DOCK2: variants seen among roughly 807,000 people sequenced by gnomAD.
The protein encoded by DOCK2 is dedicator of cytokinesis 2, also known as dedicator of cytokinesis protein 2.
DOCK2 carries 87 observed loss-of-function variants against 248.9 expected under a neutral mutation model. The ratio of observed to expected loss-of-function variants is 0.35; its 90% CI spans 0.29 to 0.42. The LOEUF is 0.42. Among genes scored for constraint, DOCK2 ranks in the 10% least tolerant of loss-of-function variants. DOCK2 has a pLI of 1.00. For synonymous variants in DOCK2, 805 were observed against 821.6 expected (o/e 0.98, Z 0.35); for missense variants, 1,747 against 2,300.2 (o/e 0.76, Z 4.92).
At position 169,717,435 on chromosome 5, in the gene DOCK2, G is replaced by C. The variant is rs1281502649; in HGVS notation, c.2083G>C (p.Val695Leu). Residue 695 changes from valine to leucine, a missense_variant, in exon 21 of 52, where the codon GTT becomes CTT. Around this residue, in one of 4 missense-constraint regions of DOCK2, gnomAD observed 858 missense variants for 1,183.5 expected, o/e 0.72. Coordinates refer to ENST00000520908, the MANE Select transcript of DOCK2 (RefSeq NM_004946.3). ...ADRKFQHFNTVLEAYIQQHFS... is the reference protein window; with the variant it reads ...ADRKFQHFNTLLEAYIQQHFS... ...CCGGAAATTTCAGCATTTCAACACC[G>C]TTCTGGAGGCTTACATCCAACAGCA... is the stretch of plus-strand genomic sequence containing the variant. The C allele has an allele frequency of 6.2e-7, 1 of 1,613,844 alleles. No homozygotes were observed. Among genetic ancestry groups the C allele is most frequent in the Non-Finnish European group, 8.5e-7 (1 of 1,179,808 alleles).
chr5:169,844,464 G>A (rs1455726767), intron 27 of DOCK2, among the ~76,000 whole-genome samples: 2 of 152,136 alleles, frequency 1.3e-5, no homozygotes, highest in African/African-American at 4.8e-5. Context: ...TCTAAGCTGG[G>A]CACCTTGGCC....
At chr5:169,676,744 C>T (rs535430019) in intron 6 of DOCK2, among the ~76,000 whole-genome samples, 14 of 152,264 alleles carry the variant, frequency 9.2e-5, no homozygotes, top group Admixed American at 2.0e-4. Flanking sequence ...TGGAACTGAA[C>T]CTTGGAGGAG....
intron 30 of DOCK2, among the ~76,000 whole-genome samples, chr5:170,005,209 C>G (rs1754981764): frequency 6.6e-6 from 1 of 151,902 alleles, no homozygotes; most frequent in South Asian, 2.1e-4. Flanking sequence ...TAGGCAAATC[C>G]ACAGAGACAG....
chr5:169,996,151 A>T lies in DOCK2; in HGVS notation c.3059A>T (p.Asn1020Ile), dbSNP rs1194609493. The T allele has an allele frequency of 4.3e-6, 7 of 1,613,926 alleles. No individual in the cohort carries two copies. Among genetic ancestry groups the T allele is most frequent in the Non-Finnish European group, 5.9e-6 (7 of 1,179,862 alleles). The part of the protein sequence containing the change: ...TMNQKFLEHT[N>I]FEFQLWNNYF... ...AACCAGAAGTTCCTAGAACACACGAACTTTGAGTTCCAGGTGAGTATAAGC... is the reference window on the plus strand; with the variant it reads ...AACCAGAAGTTCCTAGAACACACGATCTTTGAGTTCCAGGTGAGTATAAGC... Residue 1020 changes from asparagine (N) to isoleucine (I), a missense_variant, in exon 30 of 52, where the codon AAC becomes ATC. This residue lies in a region of DOCK2 where 858 missense variants were observed against 1,183.5 expected (regional missense o/e 0.72). Transcript: ENST00000520908.
chr5:169,985,046 G>C (rs984468758), intron 28 of DOCK2, among the ~76,000 whole-genome samples: 1 of 152,170 alleles, frequency 6.6e-6, no homozygotes, highest in African/African-American at 2.4e-5. Context: ...CTCCCGAGTA[G>C]CTGGGATTAC....
At chr5:169,716,457 C>T (rs1461578660) in intron 20 of DOCK2, among the ~76,000 whole-genome samples, 155 bp downstream of exon 20, 1 of 152,176 alleles carries the variant, frequency 6.6e-6, no homozygotes, top group African/African-American at 2.4e-5. Context: ...CAATAATGAG[C>T]TGCTATTTCC....
At chr5:169,841,877 AT>A (rs756834604) in intron 27 of DOCK2, among the ~76,000 whole-genome samples, 53 of 152,294 alleles carry the variant, frequency 3.5e-4, no homozygotes, top group Admixed American at 9.1e-4. Context: ...CTGTTTTGTC[AT>A]TGCTGTGTCT....
At chr5:169,741,454 G>C (rs558103945) in intron 22 of DOCK2, among the ~76,000 whole-genome samples, 1 of 152,306 alleles carries the variant, frequency 6.6e-6, no homozygotes, top group South Asian at 2.1e-4. Flanking sequence ...GGGAGGGAGA[G>C]AGGGAGAGAA....
At chr5:169,778,647 A>G (rs1314300460) in intron 25 of DOCK2, among the ~76,000 whole-genome samples, 1 of 152,208 alleles carries the variant, frequency 6.6e-6, no homozygotes, top group Non-Finnish European at 1.5e-5. Flanking sequence ...TACACGAAGG[A>G]TTGTATATGC....
At chr5:169,795,154 C>G (rs536571553) in intron 25 of DOCK2, among the ~76,000 whole-genome samples, 1 of 152,146 alleles carries the variant, frequency 6.6e-6, no homozygotes, top group East Asian at 1.9e-4. Context: ...TGCAAAATCA[C>G]TTTTTACGTT....
chr5:169,830,850 C>G (rs1036770356), intron 26 of DOCK2, among the ~76,000 whole-genome samples: 2 of 152,174 alleles, frequency 1.3e-5, no homozygotes, highest in Admixed American at 1.3e-4. Flanking sequence ...CCCAAGGTTA[C>G]ATCTATAGCC....
At chr5:169,915,557 A>AAC (rs56728646) in intron 27 of DOCK2, among the ~76,000 whole-genome samples, 7,640 of 143,384 alleles carry the variant, frequency 0.053, 210 homozygotes, top group South Asian at 0.099. Context: ...ATTGACAGGG[A>AAC]ACACACACAC....
chr5:170,067,338 C>T (rs1310410033), intron 44 of DOCK2, among the ~76,000 whole-genome samples, 172 bp from the exon 45 acceptor site: 1 of 152,134 alleles, frequency 6.6e-6, no homozygotes, highest in East Asian at 1.9e-4. Context: ...CCTGTCTCTC[C>T]CCAGAGAGCA....
intron 3 of DOCK2, among the ~76,000 whole-genome samples, chr5:169,670,304 T>C (rs1758976445): frequency 6.6e-6 from 1 of 152,160 alleles, no homozygotes; most frequent in Non-Finnish European, 1.5e-5. Context: ...TGGTGAGATC[T>C]AGGGCTATTG....
chr5:169,638,671 C>T (rs1440467151), intron 1 of DOCK2, among the ~76,000 whole-genome samples: 2 of 152,172 alleles, frequency 1.3e-5, no homozygotes, highest in Admixed American at 1.3e-4. Context: ...GACACCAGCA[C>T]CAAGATGCAC....
At position 170,067,619 on chromosome 5, in the gene DOCK2, C is replaced by A; in HGVS notation, c.4577C>A (p.Pro1526Gln). The part of the protein sequence containing the change: ...YQSDETLPIN[P>Q]LSMLLNGIVD... ...AGTGATGAGACCCTCCCCATCAACC[C>A]ACTCTCCATGCTCCTGAACGGGATT... is the stretch of plus-strand genomic sequence containing the variant. The change falls in exon 45 of 52, where the codon CCA (proline) becomes CAA (glutamine). Residue 1526 changes from proline (P) to glutamine (Q), a missense_variant. Coordinates refer to ENST00000520908, the MANE Select transcript of DOCK2 (RefSeq NM_004946.3). 1 of 1,614,176 alleles carries A rather than the reference C, an allele frequency of 6.2e-7. No individual in the cohort carries two copies. Among genetic ancestry groups the A allele is most frequent in the Non-Finnish European group, 8.5e-7 (1 of 1,180,020 alleles).
intron 42 of DOCK2, among the ~76,000 whole-genome samples, 177 bp downstream of exon 42, chr5:170,055,563 C>T (rs559028089): frequency 3.1e-4 from 47 of 152,224 alleles, no homozygotes; most frequent in Non-Finnish European, 5.1e-4. Context: ...TGGGCTCTGC[C>T]CCTGACAAGG....
chr5:169,821,734 C>T (rs1452799834), intron 26 of DOCK2, among the ~76,000 whole-genome samples: 1 of 152,190 alleles, frequency 6.6e-6, no homozygotes, highest in Non-Finnish European at 1.5e-5. Flanking sequence ...AACCAGCTAA[C>T]ATCATAATGA....
intron 26 of DOCK2, among the ~76,000 whole-genome samples, chr5:169,813,292 G>A (rs1005687934): frequency 3.3e-5 from 5 of 152,100 alleles, no homozygotes; most frequent in African/African-American, 7.2e-5. Flanking sequence ...AAAACTTCCC[G>A]ATGAGCTGGC....
Sources: allele counts gnomAD v4.1 joint callset (sites outside exome capture counted in the v4.1 genomes callset), GRCh38; gene constraint gnomAD v4.1.1; regional missense constraint gnomAD v4.1.1; transcripts MANE v1.5; gene names NCBI Gene and HGNC (gene_info 2026-07-23, HGNC 2026-07-21).